Variants in ATP9B observed in about 807,000 individuals in gnomAD.
ATP9B encodes ATPase phospholipid transporting 9B, also known as probable phospholipid-transporting ATPase IIB.
A neutral mutation model predicts 146.1 loss-of-function variants in ATP9B; 110 were observed. The observed-to-expected ratio is 0.75, with a 90% confidence interval of 0.65 to 0.88. ATP9B has a LOEUF of 0.88. ATP9B is among the 40% of genes least tolerant of loss of function. ATP9B has a pLI of 0.00. For synonymous variants in ATP9B, 604 were observed against 569.7 expected (o/e 1.06, Z -0.86); for missense variants, 1,499 against 1,496.4 (o/e 1.00, Z -0.03).
chr18:79,219,008 T>G (rs1388489055), intron 11 of ATP9B, among the ~76,000 whole-genome samples: 1 of 151,962 alleles, frequency 6.6e-6, no homozygotes, highest in Non-Finnish European at 1.5e-5. Flanking sequence ...ATTTAAGGGA[T>G]AAGGAGAGGA....
intron 9 of ATP9B, among the ~76,000 whole-genome samples, chr18:79,195,246 C>T (rs1233860011): frequency 8.4e-6 from 1 of 119,636 alleles, no homozygotes; most frequent in African/African-American, 4.1e-5. Context: ...AGAAAAATAG[C>T]TCTTATTATT....
intron 8 of ATP9B, among the ~76,000 whole-genome samples, chr18:79,182,189 T>C (rs1234531137): frequency 6.6e-6 from 1 of 152,196 alleles, no homozygotes; most frequent in East Asian, 1.9e-4. Flanking sequence ...TGATGTCTAC[T>C]GAAATCCTTG....
intron 15 of ATP9B, 136 bp downstream of exon 15, chr18:79,307,370 G>T: frequency 1.5e-6 from 2 of 1,321,318 alleles, no homozygotes; most frequent in Non-Finnish European, 2.0e-6. Flanking sequence ...AGCTGTATGT[G>T]GAAAACTGCC....
intron 20 of ATP9B, 104 bp from the exon 21 acceptor site, chr18:79,344,161 A>G: frequency 9.3e-7 from 1 of 1,080,560 alleles, no homozygotes; most frequent in Non-Finnish European, 1.4e-6. Context: ...TTAGATAATA[A>G]CCCCAGAACA....
At position 79,111,256 on chromosome 18, in the gene ATP9B, A is replaced by T. The variant is rs1405086034; in HGVS notation, c.444+751A>T. Among the ~76,000 whole-genome samples, 3 of 152,230 alleles carry T rather than the reference A, an allele frequency of 2.0e-5. No individual in the cohort carries two copies. The East Asian group carries it at 5.8e-4, about 29-fold the overall frequency. ...AAGCTGGTATTGATTATATTTCTAT[A>T]TCAAAGTTTTTGGCATGTTTTATGT... On this transcript the variant is annotated intron_variant, in intron 3 of 29. Coordinates refer to ENST00000426216, the MANE Select transcript of ATP9B (RefSeq NM_198531.5).
chr18:79,246,933 G>A (rs1243601699), intron 11 of ATP9B, among the ~76,000 whole-genome samples: 1 of 152,194 alleles, frequency 6.6e-6, no homozygotes, highest in African/African-American at 2.4e-5. Context: ...TTAGAAAATG[G>A]ATAGGCTTAT....
intron 1 of ATP9B, among the ~76,000 whole-genome samples, chr18:79,076,904 G>T (rs538937106): frequency 6.6e-6 from 1 of 151,690 alleles, no homozygotes; most frequent in Non-Finnish European, 1.5e-5. Flanking sequence ...TTTCTTCCTC[G>T]TTTTTTTAGT....
At chr18:79,139,969 T>C (rs1304470201) in intron 5 of ATP9B, among the ~76,000 whole-genome samples, 1 of 152,240 alleles carries the variant, frequency 6.6e-6, no homozygotes, top group African/African-American at 2.4e-5. Flanking sequence ...AAACCTATCG[T>C]AGGATCTGAA....
chr18:79,260,845 C>G (rs563451125), intron 12 of ATP9B, among the ~76,000 whole-genome samples: 1 of 152,202 alleles, frequency 6.6e-6, no homozygotes, highest in Admixed American at 6.5e-5. Context: ...TCTCAGCTCT[C>G]GAAACTTAAC....
chr18:79,319,024 A>G lies in ATP9B; in HGVS notation c.1774-10117A>G, dbSNP rs916727789. On this transcript the variant is annotated intron_variant, in intron 15 of 29. Transcript: ENST00000426216. The stretch of plus-strand genomic sequence containing the variant: ...GTGTGTTTCTGGGCACAGGGTCATC[A>G]TGACCAGCTGTGTGGTATTCTGGTG... Among the ~76,000 whole-genome samples the G allele has an allele frequency of 4.4e-4, 67 of 152,222 alleles. 1 individual carries two copies. The highest frequency in any genetic ancestry group is 8.5e-4 in the Non-Finnish European group (58 of 68,038).
intron 11 of ATP9B, among the ~76,000 whole-genome samples, chr18:79,224,159 G>A (rs1275783245): frequency 6.6e-6 from 1 of 152,194 alleles, no homozygotes. Context: ...ACAGAGAAGT[G>A]TAATTTATTC....
At chr18:79,229,345 A>G (rs1173159189) in intron 11 of ATP9B, among the ~76,000 whole-genome samples, 2 of 152,208 alleles carry the variant, frequency 1.3e-5, no homozygotes, top group African/African-American at 2.4e-5. Context: ...TTTTGGTTGA[A>G]TATTCAGTCA....
intron 11 of ATP9B, among the ~76,000 whole-genome samples, chr18:79,224,188 T>G (rs1402205634): frequency 6.6e-6 from 1 of 152,238 alleles, no homozygotes; most frequent in African/African-American, 2.4e-5. Flanking sequence ...AGTATTTTCA[T>G]AATTGTCTTT....
At chr18:79,108,282 CTA>C (rs1391821875) in intron 2 of ATP9B, among the ~76,000 whole-genome samples, 1 of 152,166 alleles carries the variant, frequency 6.6e-6, no homozygotes, top group Admixed American at 6.5e-5. Context: ...AAAGCTTACT[CTA>C]TTTTATTTGA....
intron 2 of ATP9B, 48 bp downstream of exon 2, chr18:79,096,697 A>T (rs1384869273): frequency 1.4e-6 from 2 of 1,470,364 alleles, no homozygotes; most frequent in Non-Finnish European, 1.9e-6. Context: ...AAGGTTACTT[A>T]TAAGGTTAGC....
At chr18:79,092,358 C>A (rs1366829907) in intron 1 of ATP9B, among the ~76,000 whole-genome samples, 2 of 152,088 alleles carry the variant, frequency 1.3e-5, no homozygotes, top group African/African-American at 4.8e-5. Flanking sequence ...GCAGATGTGA[C>A]ACAATTGTGT....
At chr18:79,229,003 C>T (rs1466124630) in intron 11 of ATP9B, among the ~76,000 whole-genome samples, 1 of 152,112 alleles carries the variant, frequency 6.6e-6, no homozygotes, top group African/African-American at 2.4e-5. Context: ...TACACTCCAG[C>T]CTGGGCGACA....
intron 6 of ATP9B, among the ~76,000 whole-genome samples, chr18:79,150,088 AAAAAAT>A (rs60649573): frequency 0.3 from 46,153 of 151,532 alleles, 8,985 homozygotes; most frequent in African/African-American, 0.57. Flanking sequence ...TCAAAAAATA[AAAAAAT>A]AAAAATAAAC....
chr18:79,200,638 G>A (rs374523171), intron 9 of ATP9B, among the ~76,000 whole-genome samples: 12 of 147,576 alleles, frequency 8.1e-5, no homozygotes, highest in African/African-American at 2.7e-4. Flanking sequence ...AAGGTTTCTC[G>A]GAAATTGCCA....
Sources: allele counts gnomAD v4.1 joint callset (sites outside exome capture counted in the v4.1 genomes callset), GRCh38; gene constraint gnomAD v4.1.1; transcripts MANE v1.5; gene names NCBI Gene and HGNC (gene_info 2026-07-23, HGNC 2026-07-21).